The following UBR7 variants were observed in gnomAD, a reference collection of about 807,000 sequenced individuals.
UBR7 encodes putative E3 ubiquitin-protein ligase UBR7.
A neutral mutation model predicts 57.0 loss-of-function variants in UBR7; 22 were observed. The ratio of observed to expected loss-of-function variants is 0.39; its 90% CI spans 0.28 to 0.55. The LOEUF is 0.55. Ranked by LOEUF, UBR7 falls within the 20% of genes least tolerant of loss-of-function variation. UBR7 has a pLI of 0.69. For missense variants in UBR7, 395 were observed against 513.2 expected, an observed-to-expected ratio of 0.77 and a Z score of 2.23; for synonymous variants, 167 against 179.8, an observed-to-expected ratio of 0.93 and a Z score of 0.57.
intron 2 of UBR7, 111 bp downstream of exon 2, chr14:93,210,068 A>ATTTATTTATTT (rs1555384892): frequency 1.2e-4 from 62 of 537,956 alleles, no homozygotes; most frequent in East Asian, 3.4e-4. Context: ...ACACTAATGA[A>ATTTATTTATTT]ATTAATTAAT....
intron 10 of UBR7, chr14:93,224,084 G>T: frequency 1.9e-6 from 2 of 1,028,838 alleles, no homozygotes; most frequent in Non-Finnish European, 3.0e-6. Context: ...GCATTTGGGG[G>T]TGGGCAGGCA....
rs151297969 is a variant in UBR7, at chr14:93,210,240, C to T, written c.284+283C>T. Among the ~76,000 whole-genome samples, 735 of 152,192 alleles carry T rather than the reference C, an allele frequency of 4.8e-3. 5 individuals carry two copies. The highest frequency in any genetic ancestry group is 0.016 in the African/African-American group (675 of 41,522). On this transcript the variant is annotated intron_variant, in intron 2 of 10. Transcript: ENST00000013070. The stretch of plus-strand genomic sequence containing the variant: ...CTGGGATTAAAGGCTCCCACCACCA[C>T]GCCCAGCTAATTTTTTGTATTTTTA...
chr14:93,212,185 C>T, intron 4 of UBR7, 58 bp downstream of exon 4: 2 of 1,300,048 alleles, frequency 1.5e-6, no homozygotes, highest in Non-Finnish European at 2.2e-6. Context: ...GATTCCTCAA[C>T]TGCTTGTCAT....
At chr14:93,215,451 C>T (rs565246796) in intron 6 of UBR7, among the ~76,000 whole-genome samples, 170 bp downstream of exon 6, 1 of 152,078 alleles carries the variant, frequency 6.6e-6, no homozygotes, top group Non-Finnish European at 1.5e-5. Context: ...TTTGGGAGGC[C>T]AACAAGACAG....
chr14:93,207,662 GTCTCCAA>G (rs1894393750), intron 1 of UBR7, among the ~76,000 whole-genome samples: 2 of 152,024 alleles, frequency 1.3e-5, no homozygotes, highest in Admixed American at 1.3e-4. Context: ...CCTCTCCCCT[GTCTCCAA>G]CTCTGTCCGG....
Position 93,228,385 on chromosome 14 carries a change from A to T in UBR7, c.*1350A>T, listed in dbSNP as rs1395998396. 6.6e-6 allele frequency: 3 copies of T among 454,350 alleles called. No individual in the cohort carries two copies. Among genetic ancestry groups the T allele is most frequent in the Non-Finnish European group, 1.3e-5 (3 of 226,898 alleles). 28.1% of individuals were successfully genotyped at this position (454,350 alleles called of 1,614,324 possible). On this transcript the variant is annotated 3_prime_UTR_variant, in exon 11 of 11. Transcript: ENST00000013070. ...GACAGTCGGAGACACACCTTGATGTATGTTAATAAAAGCATTTCAGGCTGT... is the reference window on the plus strand; with the variant it reads ...GACAGTCGGAGACACACCTTGATGTTTGTTAATAAAAGCATTTCAGGCTGT...
At chr14:93,207,467 T>TC (rs1466378999) in intron 1 of UBR7, 26 bp downstream of exon 1, 11 of 1,516,450 alleles carry the variant, frequency 7.3e-6, no homozygotes, top group Non-Finnish European at 9.7e-6. Context: ...GGGCCTCCTC[T>TC]CCCCCGGCTC....
chr14:93,224,696 CTT>C (rs1241087532), intron 10 of UBR7, among the ~76,000 whole-genome samples: 1 of 152,176 alleles, frequency 6.6e-6, no homozygotes, highest in Admixed American at 6.5e-5. Context: ...GTTCTTAAAA[CTT>C]AATGTAGTTA....
rs202105336 is a variant in UBR7, at chr14:93,208,465, T to TAA, written c.150+1037_150+1038dup. ...AAAACAATTTTTCCCCTGCTTTACT[T>TAA]AAAAAAAAAAAAAAGAAAAAAGTTA... is the stretch of plus-strand genomic sequence containing the variant. On this transcript the variant is annotated intron_variant, in intron 1 of 10. Transcript: ENST00000013070. Among the ~76,000 whole-genome samples the TAA allele has an allele frequency of 1.5e-3, 213 of 141,348 alleles. 3 individuals are homozygous for TAA. The highest frequency in any genetic ancestry group is 4.4e-3 in the African/African-American group (172 of 38,842). The allele number at this position is 141,348 out of a possible 152,430, so 92.7% of individuals were successfully genotyped here. A position where few individuals can be genotyped will look rare whatever the true frequency, so the allele number is the denominator to read the frequency against.
chr14:93,225,453 C>T (rs1386483668), intron 10 of UBR7, among the ~76,000 whole-genome samples: 1 of 136,206 alleles, frequency 7.3e-6, no homozygotes, highest in Non-Finnish European at 1.6e-5. Flanking sequence ...ATGATGAGAC[C>T]CCGCCTCTAC....
Position 93,227,188 on chromosome 14 carries a change from C to T in UBR7, c.*153C>T. The stretch of plus-strand genomic sequence containing the variant: ...TCATTCTCTTTAGCTGCAGTAGCCA[C>T]CGTGTGGATGCTGACTTCACAGCCA... On this transcript the variant is annotated 3_prime_UTR_variant, in exon 11 of 11. Transcript: ENST00000013070. 1 of 652,630 alleles carries T rather than the reference C, an allele frequency of 1.5e-6. No individual in the cohort carries two copies. The highest frequency in any genetic ancestry group is 3.1e-5 in the East Asian group (1 of 31,926). 40.4% of individuals were successfully genotyped at this position (652,630 alleles called of 1,614,324 possible).
At chr14:93,207,816 ATTAT>A (rs1034899538) in intron 1 of UBR7, among the ~76,000 whole-genome samples, 4 of 152,096 alleles carry the variant, frequency 2.6e-5, no homozygotes, top group East Asian at 1.9e-4. Flanking sequence ...CCATCCTAAG[ATTAT>A]TTATTTATTT....
At chr14:93,222,209 TAG>T in intron 9 of UBR7, 102 bp from the exon 10 acceptor site, 1 of 797,598 alleles carries the variant, frequency 1.3e-6, no homozygotes. Context: ...AATTTTTATT[TAG>T]ACTACATTAT....
intron 1 of UBR7, 95 bp from the exon 2 acceptor site, chr14:93,209,729 A>G: frequency 2.0e-6 from 3 of 1,464,934 alleles, no homozygotes; most frequent in Non-Finnish European, 2.8e-6. Context: ...TTGACCACAG[A>G]TAATCTGATT....
At position 93,207,386 on chromosome 14, in the gene UBR7, A is replaced by G; in HGVS notation, c.95A>G (p.Asn32Ser). The G allele has an allele frequency of 6.4e-7, 1 of 1,555,582 alleles. No individual in the cohort carries two copies. The highest frequency in any genetic ancestry group is 8.7e-7 in the Non-Finnish European group (1 of 1,150,632). ...DVLEEDEELE[N>S]EACAVLGGSD... ...CTTGAGGAGGACGAGGAGCTGGAGA[A>G]TGAGGCGTGCGCTGTCCTGGGCGGC... Residue 32 changes from asparagine (N) to serine (S), a missense_variant, in exon 1 of 11, where the codon AAT (asparagine) becomes AGT (serine). Asn to Ser is a conservative substitution (Grantham distance 46). Coordinates refer to ENST00000013070, the MANE Select transcript of UBR7 (RefSeq NM_175748.4).
chr14:93,227,498 G>A lies in UBR7; in HGVS notation c.*463G>A, dbSNP rs578164135. 8.6e-6 allele frequency: 6 copies of A among 696,096 alleles called. No individual in the cohort carries two copies. The highest frequency in any genetic ancestry group is 1.5e-5 in the South Asian group (1 of 66,622). 43.1% of individuals were successfully genotyped at this position (696,096 alleles called of 1,614,324 possible). ...CGCCCCTATGATCGTGGTGCCTTGG[G>A]TCAAAGCTTCCTCAAGCCTGGTCTG... On this transcript the variant is annotated 3_prime_UTR_variant, in exon 11 of 11. Transcript: ENST00000013070.
rs924505830 is a variant in UBR7 at position 93,227,486 on chromosome 14, G to A, written c.*451G>A. On this transcript the variant is annotated 3_prime_UTR_variant, in exon 11 of 11. Transcript: ENST00000013070. ...TACAGGTCCCCTCGCCCCTATGATCGTGGTGCCTTGGGTCAAAGCTTCCTC... is the reference window on the plus strand; with the variant it reads ...TACAGGTCCCCTCGCCCCTATGATCATGGTGCCTTGGGTCAAAGCTTCCTC... 5.2e-5 allele frequency: 36 copies of A among 694,006 alleles called. No individual in the cohort carries two copies. Among genetic ancestry groups the A allele is most frequent in the African/African-American group, 3.7e-4 (21 of 56,966 alleles). 43.0% of individuals were successfully genotyped at this position (694,006 alleles called of 1,614,324 possible).
At chr14:93,221,112 A>ATTT (rs1160957010) in intron 9 of UBR7, among the ~76,000 whole-genome samples, 11 of 136,860 alleles carry the variant, frequency 8.0e-5, no homozygotes, top group Non-Finnish European at 1.4e-4. Flanking sequence ...CGCCCCCCCA[A>ATTT]TTTTTTTTTT....
In UBR7 at chr14:93,207,272, TGTTC is replaced by T. The variant is rs1566818912; in HGVS notation, c.-18_-15del. 6.4e-7 allele frequency: 1 copy of T among 1,551,274 alleles called. No homozygotes were observed. Among genetic ancestry groups the T allele is most frequent in the South Asian group, 1.2e-5 (1 of 84,234 alleles). ...CCCGCCTCCGCCGGGGCCGAGCCGC[TGTTC>T]GGCTGACAGTTGAGGATGGCCGGAG... is the stretch of plus-strand genomic sequence containing the variant. On this transcript the variant is annotated 5_prime_UTR_variant, in exon 1 of 11. Transcript: ENST00000013070.
Sources: allele counts gnomAD v4.1 joint callset (sites outside exome capture counted in the v4.1 genomes callset), GRCh38; gene constraint gnomAD v4.1.1; transcripts MANE v1.5; gene names NCBI Gene and HGNC (gene_info 2026-07-23, HGNC 2026-07-21).